NKAIN3: variants seen among roughly 807,000 people sequenced by gnomAD.
NKAIN3 encodes the protein sodium/potassium transporting ATPase interacting 3, also known as sodium/potassium-transporting ATPase subunit beta-1-interacting protein 3.
In NKAIN3, 25 loss-of-function variants were observed where a neutral mutation model predicts 30.2. That is an observed-to-expected ratio of 0.83 (90% CI 0.60 to 1.16). NKAIN3 has a LOEUF of 1.16. Ranked by LOEUF, NKAIN3 falls within the 50% of genes most tolerant of loss-of-function variation. The pLI is 0.00. For missense variants in NKAIN3, 225 were observed against 254.1 expected, an observed-to-expected ratio of 0.89 and a Z score of 0.78; for synonymous variants, 91 against 89.6, an observed-to-expected ratio of 1.02 and a Z score of -0.09.
At chr8:62,611,367 A>G (rs1811283927) in intron 3 of NKAIN3, among the ~76,000 whole-genome samples, 1 of 152,080 alleles carries the variant, frequency 6.6e-6, no homozygotes. Flanking sequence ...GAGTCACCCT[A>G]TTGTGCTATC....
At chr8:62,765,406 T>C (rs1278314785) in intron 4 of NKAIN3, among the ~76,000 whole-genome samples, 11 of 152,202 alleles carry the variant, frequency 7.2e-5, no homozygotes, top group Non-Finnish European at 1.0e-4. Flanking sequence ...ACCTGGCTAG[T>C]ACTTCCTTCA....
chr8:62,518,291 C>T (rs1321024896), intron 1 of NKAIN3, among the ~76,000 whole-genome samples: 2 of 152,132 alleles, frequency 1.3e-5, no homozygotes, highest in East Asian at 3.8e-4. Context: ...ACCCAAGAGG[C>T]AGAGGTTGCA....
intron 1 of NKAIN3, chr8:62,483,908 C>G (rs1272211944): frequency 6.0e-6 from 1 of 166,044 alleles, no homozygotes; most frequent in Non-Finnish European, 1.3e-5. Flanking sequence ...TACAACAGTA[C>G]TCTCTTAATT....
At chr8:62,846,968 A>G (rs1290895009) in intron 4 of NKAIN3, among the ~76,000 whole-genome samples, 1 of 152,124 alleles carries the variant, frequency 6.6e-6, no homozygotes, top group Admixed American at 6.6e-5. Context: ...ATTCACTACC[A>G]TGAAAACAGT....
chr8:62,410,961 T>G (rs759495301), intron 1 of NKAIN3, among the ~76,000 whole-genome samples: 3 of 152,098 alleles, frequency 2.0e-5, no homozygotes, highest in African/African-American at 7.2e-5. Context: ...CTACCAGACA[T>G]GCAAAGAAGA....
intron 1 of NKAIN3, among the ~76,000 whole-genome samples, chr8:62,457,151 C>T (rs1211974238): frequency 1.3e-5 from 2 of 152,108 alleles, no homozygotes; most frequent in African/African-American, 4.8e-5. Flanking sequence ...CAGGAAGTGG[C>T]TGAATCGGGG....
downstream of NKAIN3, among the ~76,000 whole-genome samples, chr8:62,989,194 G>C (rs558025468): frequency 6.6e-6 from 1 of 152,268 alleles, no homozygotes; most frequent in African/African-American, 2.4e-5. Context: ...CTTCCAAACT[G>C]TTCCACCTGT....
At chr8:62,632,038 C>A (rs1811979469) in intron 3 of NKAIN3, among the ~76,000 whole-genome samples, 1 of 152,054 alleles carries the variant, frequency 6.6e-6, no homozygotes, top group African/African-American at 2.4e-5. Context: ...GCACCAGTGC[C>A]CCTTGTGGTA....
intron 1 of NKAIN3, among the ~76,000 whole-genome samples, chr8:62,331,945 C>T (rs1231556620): frequency 6.6e-6 from 1 of 151,994 alleles, no homozygotes; most frequent in Non-Finnish European, 1.5e-5. Context: ...GGGGACATCC[C>T]CAGCTAGAAG....
intron 4 of NKAIN3, among the ~76,000 whole-genome samples, chr8:62,857,775 G>A (rs1348841241): frequency 6.6e-6 from 1 of 152,116 alleles, no homozygotes; most frequent in Non-Finnish European, 1.5e-5. Context: ...TTTGTGTTGG[G>A]TTAAAACATA....
At chr8:62,439,007 A>G (rs1161170274) in intron 1 of NKAIN3, among the ~76,000 whole-genome samples, 1 of 152,220 alleles carries the variant, frequency 6.6e-6, no homozygotes, top group Non-Finnish European at 1.5e-5. Flanking sequence ...GAAAGTAAGT[A>G]GAGCATGACA....
Position 62,747,022 on chromosome 8 carries a change from T to C in NKAIN3, c.364T>C (p.Ser122Pro), listed in dbSNP as rs1379508144. Residue 122 changes from serine (S) to proline (P), a missense_variant, in exon 4 of 7, where the codon TCA becomes CCA. Physicochemically the swap from Ser to Pro is moderately conservative, Grantham distance 74 (BLOSUM62 -1). Coordinates refer to ENST00000623646, the MANE Select transcript of NKAIN3 (RefSeq NM_001304533.3). ...TTGTGTCAGAAGAGTGCTGCCTCCC[T>C]CAGCCCATGGCATGATGGACGATTA... ...PGCVRRVLPP[S>P]AHGMMDDYTY... 1.2e-6 allele frequency: 2 copies of C among 1,613,554 alleles called. No individual in the cohort carries two copies. The highest frequency in any genetic ancestry group is 2.7e-5 in the African/African-American group (2 of 74,922).
chr8:62,387,339 A>T (rs1817460257), intron 1 of NKAIN3, among the ~76,000 whole-genome samples: 1 of 134,792 alleles, frequency 7.4e-6, no homozygotes, highest in African/African-American at 2.7e-5. Context: ...CTAATAAAAT[A>T]AAAATGTAGC....
intron 3 of NKAIN3, among the ~76,000 whole-genome samples, chr8:62,744,697 T>A (rs573963573): frequency 7.2e-5 from 11 of 152,222 alleles, no homozygotes. Context: ...CTGATGTTTG[T>A]GTGCAGGTAA....
intron 1 of NKAIN3, among the ~76,000 whole-genome samples, chr8:62,408,522 C>G (rs1330123982): frequency 6.6e-6 from 1 of 152,092 alleles, no homozygotes; most frequent in Non-Finnish European, 1.5e-5. Context: ...TTATAGAGCA[C>G]TAAAGTTCAA....
chr8:62,293,129 G>A (rs1238637211), intron 1 of NKAIN3, among the ~76,000 whole-genome samples: 8 of 152,022 alleles, frequency 5.3e-5, no homozygotes, highest in African/African-American at 2.4e-5. Flanking sequence ...TTAGCTATTC[G>A]TCTAATCTTT....
intron 1 of NKAIN3, among the ~76,000 whole-genome samples, chr8:62,405,863 C>T (rs1452972965): frequency 6.6e-6 from 1 of 152,170 alleles, no homozygotes; most frequent in Non-Finnish European, 1.5e-5. Flanking sequence ...TCTTCATGAG[C>T]CATTCTCATT....
chr8:62,455,804 T>G (rs1805801218), intron 1 of NKAIN3, among the ~76,000 whole-genome samples: 1 of 152,162 alleles, frequency 6.6e-6, no homozygotes, highest in Non-Finnish European at 1.5e-5. Context: ...TCAAATAAAT[T>G]AACTGGCAGA....
intron 1 of NKAIN3, among the ~76,000 whole-genome samples, chr8:62,270,111 C>A (rs1441441394): frequency 6.6e-6 from 1 of 152,006 alleles, no homozygotes; most frequent in Admixed American, 6.6e-5. Flanking sequence ...GAGAGAGGGT[C>A]TCACTCTGTC....
Sources: allele counts gnomAD v4.1 joint callset (sites outside exome capture counted in the v4.1 genomes callset), GRCh38; gene constraint gnomAD v4.1.1; transcripts MANE v1.5; gene names NCBI Gene and HGNC (gene_info 2026-07-23, HGNC 2026-07-21).